The following GTF2A1L variants were observed in gnomAD, a reference collection of about 807,000 sequenced individuals.
GTF2A1L encodes TFIIA-alpha and beta-like factor.
Under a neutral mutation model 49.7 loss-of-function variants are expected in GTF2A1L, and 48 were observed. The observed-to-expected ratio is 0.97, with a 90% confidence interval of 0.77 to 1.23. The LOEUF is 1.23. GTF2A1L is among the 50% of genes most tolerant of loss of function. The pLI is 0.00. For missense variants in GTF2A1L, 736 were observed against 564.8 expected (o/e 1.30, Z -3.07); for synonymous variants, 246 against 193.5 (o/e 1.27, Z -2.25).
chr2:48,634,013 T>C (rs1428351179), intron 3 of GTF2A1L, among the ~76,000 whole-genome samples: 1 of 152,220 alleles, frequency 6.6e-6, no homozygotes, highest in Admixed American at 6.5e-5. Flanking sequence ...TTTGAGCCTA[T>C]GGGTGTTTTA....
chr2:48,679,131 A>G (rs1483621629), intron 8 of GTF2A1L, among the ~76,000 whole-genome samples: 4 of 151,934 alleles, frequency 2.6e-5, no homozygotes, highest in South Asian at 2.1e-4. Context: ...ATGTATCTTA[A>G]ACTAATATAT....
chr2:48,620,774 C>A (rs1675943081), intron 1 of GTF2A1L, 77 bp from the exon 2 acceptor site: 1 of 687,180 alleles, frequency 1.5e-6, no homozygotes, highest in African/African-American at 2.8e-5. Flanking sequence ...ATGACTCCAT[C>A]TCAAGAATAA....
At chr2:48,674,529 A>T (rs547762584) in intron 8 of GTF2A1L, among the ~76,000 whole-genome samples, 4 of 152,346 alleles carry the variant, frequency 2.6e-5, no homozygotes, top group African/African-American at 9.6e-5. Flanking sequence ...TAGATGCTGA[A>T]TACAAATATA....
At chr2:48,670,094 A>G (rs558168244) in intron 7 of GTF2A1L, 112 bp downstream of exon 7, 3 of 1,435,192 alleles carry the variant, frequency 2.1e-6, no homozygotes, top group South Asian at 3.2e-5. Flanking sequence ...TACTCTTTTG[A>G]AATAAGACTT....
At chr2:48,643,552 TA>T (rs1382023336) in intron 4 of GTF2A1L, among the ~76,000 whole-genome samples, 3 of 152,104 alleles carry the variant, frequency 2.0e-5, no homozygotes, top group Admixed American at 6.6e-5. Flanking sequence ...TTCAAACAAA[TA>T]TTTTTTTTCC....
Position 48,654,624 on chromosome 2 carries a change from TC to T in GTF2A1L, c.978+7587del, listed in dbSNP as rs11287676. ...GCCTTGACCTCCTGACCTCAGGTGATCCCCCTGCCTCAGCCTCTCAAAGTGC... is the reference window on the plus strand; with the variant it reads ...GCCTTGACCTCCTGACCTCAGGTGATCCCCTGCCTCAGCCTCTCAAAGTGC... On this transcript the variant is annotated intron_variant, in intron 6 of 8. Coordinates refer to ENST00000403751, the MANE Select transcript of GTF2A1L (RefSeq NM_006872.5). 1.5e-3 allele frequency among the ~76,000 whole-genome samples: 231 copies of T among 152,290 alleles called. 2 individuals are homozygous for T. Among genetic ancestry groups the T allele is most frequent in the African/African-American group, 5.1e-3 (211 of 41,552 alleles).
chr2:48,673,359 C>CTTT lies in GTF2A1L; in HGVS notation c.1329+1698_1329+1700dup, dbSNP rs34493140. ...ACGTACATTTTACTGACACAGGAAA[C>CTTT]TTTTTTTTTTTTTTTTTTTTTGAGA... On this transcript the variant is annotated intron_variant, in intron 8 of 8. Transcript: ENST00000403751. Among the ~76,000 whole-genome samples the CTTT allele has an allele frequency of 1.8e-3, 200 of 109,648 alleles. 3 individuals carry two copies. The highest frequency in any genetic ancestry group is 5.4e-3 in the Middle Eastern group (1 of 184). The allele number at this position is 109,648 out of a possible 152,430, so 71.9% of individuals were successfully genotyped here.
intron 8 of GTF2A1L, among the ~76,000 whole-genome samples, chr2:48,676,679 A>G (rs958693786): frequency 2.0e-5 from 3 of 151,692 alleles, no homozygotes; most frequent in Non-Finnish European, 4.4e-5. Flanking sequence ...TCTTTTCAAT[A>G]TGTAGATTTT....
At chr2:48,620,264 A>T (rs1036923452) in intron 1 of GTF2A1L, among the ~76,000 whole-genome samples, 1 of 152,230 alleles carries the variant, frequency 6.6e-6, no homozygotes, top group South Asian at 2.1e-4. Flanking sequence ...GACAATAACC[A>T]TGCATCTTTG....
intron 6 of GTF2A1L, among the ~76,000 whole-genome samples, chr2:48,665,882 T>G (rs2104289927): frequency 6.6e-6 from 1 of 152,290 alleles, no homozygotes; most frequent in East Asian, 1.9e-4. Context: ...CTTTTTCTAT[T>G]GACTACTGAG....
At chr2:48,678,696 T>C (rs781749786) in intron 8 of GTF2A1L, among the ~76,000 whole-genome samples, 1 of 152,132 alleles carries the variant, frequency 6.6e-6, no homozygotes, top group Non-Finnish European at 1.5e-5. Flanking sequence ...TCTTACAGAT[T>C]ATAAGCTGTA....
Position 48,669,746 on chromosome 2 carries a change from A to G in GTF2A1L, c.1003A>G (p.Ser335Gly), listed in dbSNP as rs201410327. The change falls in exon 7 of 9, where the codon AGC becomes GGC. Residue 335 changes from serine (S) to glycine (G), a missense_variant. Transcript: ENST00000403751. ...GGATTCTAATTCTCAGGTGGATTTA[A>G]GCATTCGGGTTACTGATGATGATAT... ...EKDSNSQVDLSIRVTDDDIGE... is the reference protein window; with the variant it reads ...EKDSNSQVDLGIRVTDDDIGE... 1 of 1,611,592 alleles carries G rather than the reference A, an allele frequency of 6.2e-7. No individual in the cohort carries two copies. The highest frequency in any genetic ancestry group is 8.5e-7 in the Non-Finnish European group (1 of 1,178,404).
rs910003995 is a variant in GTF2A1L at position 48,630,569 on chromosome 2, A to G, written c.247+9279A>G. Among the ~76,000 whole-genome samples, 10 of 143,710 alleles carry G rather than the reference A, an allele frequency of 7.0e-5. 2 individuals carry two copies. Among genetic ancestry groups the G allele is most frequent in the African/African-American group, 2.2e-4 (9 of 40,432 alleles). The allele number at this position is 143,710 out of a possible 152,430, so 94.3% of individuals were successfully genotyped here. A position where few individuals can be genotyped will look rare whatever the true frequency, so the allele number is the denominator to read the frequency against. On this transcript the variant is annotated intron_variant, in intron 3 of 8. Transcript: ENST00000403751. ...AAGACCATATTGTCAGTGAAGAGAG[A>G]TAGTTTGACTTGTTTTCCTGTTTGG...
chr2:48,666,598 T>TGC (rs1159739110), intron 6 of GTF2A1L, among the ~76,000 whole-genome samples: 1 of 151,438 alleles, frequency 6.6e-6, no homozygotes, highest in Non-Finnish European at 1.5e-5. Flanking sequence ...TGTGTGTGTG[T>TGC]GTGTGTGTGT....
intron 3 of GTF2A1L, among the ~76,000 whole-genome samples, chr2:48,636,692 C>T (rs1320429677): frequency 6.6e-6 from 1 of 152,172 alleles, no homozygotes; most frequent in African/African-American, 2.4e-5. Context: ...TTGTATATTA[C>T]ACTCCGAGAA....
At chr2:48,667,380 G>T (rs1285355222) in intron 6 of GTF2A1L, among the ~76,000 whole-genome samples, 1 of 152,168 alleles carries the variant, frequency 6.6e-6, no homozygotes, top group African/African-American at 2.4e-5. Context: ...TGTCCCATCT[G>T]TAAGGGCTGT....
At chr2:48,665,348 C>G (rs909918842) in intron 6 of GTF2A1L, among the ~76,000 whole-genome samples, 2 of 138,826 alleles carry the variant, frequency 1.4e-5, no homozygotes, top group Admixed American at 7.3e-5. Flanking sequence ...TCATTATTTC[C>G]TTCCTCCTGT....
chr2:48,641,090 AT>A (rs1366520291), intron 3 of GTF2A1L, among the ~76,000 whole-genome samples: 1 of 152,030 alleles, frequency 6.6e-6, no homozygotes, highest in Non-Finnish European at 1.5e-5. Flanking sequence ...GATTGTTGCT[AT>A]TTTTTCTCAA....
chr2:48,667,015 G>A (rs1183045171), intron 6 of GTF2A1L, among the ~76,000 whole-genome samples: 2 of 151,966 alleles, frequency 1.3e-5, no homozygotes, highest in African/African-American at 4.8e-5. Flanking sequence ...TTAGGCTGGA[G>A]TGCTGTGGTG....
Sources: allele counts gnomAD v4.1 joint callset (sites outside exome capture counted in the v4.1 genomes callset), GRCh38; gene constraint gnomAD v4.1.1; transcripts MANE v1.5; gene names NCBI Gene and HGNC (gene_info 2026-07-23, HGNC 2026-07-21).